ANK3: variants seen among roughly 807,000 people sequenced by gnomAD.
ANK3 encodes ankyrin 3, also known as ankyrin-3.
In ANK3, 57 loss-of-function variants were observed where a neutral mutation model predicts 370.9. That is an observed-to-expected ratio of 0.15 (90% CI 0.12 to 0.19). The LOEUF is 0.19. Among genes scored for constraint, ANK3 ranks in the 10% least tolerant of loss-of-function variants. ANK3 has a pLI of 1.00. For synonymous variants in ANK3, 1,929 were observed against 1,946.3 expected, an observed-to-expected ratio of 0.99 and a Z score of 0.23; for missense variants, 4,439 against 5,302.1, an observed-to-expected ratio of 0.84 and a Z score of 5.06.
intron 43 of ANK3, among the ~76,000 whole-genome samples, chr10:60,031,214 A>C (rs2073446097): frequency 6.6e-6 from 1 of 152,168 alleles, no homozygotes; most frequent in Non-Finnish European, 1.5e-5. Context: ...ATTAGAGACA[A>C]ACTTCTACCA....
intron 24 of ANK3, among the ~76,000 whole-genome samples, chr10:60,136,296 T>G (rs950256555): frequency 1.3e-5 from 2 of 152,130 alleles, no homozygotes; most frequent in Admixed American, 1.3e-4. Flanking sequence ...ATGTGGCTGG[T>G]GTGAACGAAC....
At chr10:60,465,579 T>C (rs531248587) in intron 2 of ANK3, among the ~76,000 whole-genome samples, 1 of 152,214 alleles carries the variant, frequency 6.6e-6, no homozygotes, top group African/African-American at 2.4e-5. Flanking sequence ...CAGAGTGAAA[T>C]GAGTAAGAAA....
At chr10:60,083,355 C>A in intron 33 of ANK3, 137 bp downstream of exon 33, 2 of 893,052 alleles carry the variant, frequency 2.2e-6, no homozygotes, top group East Asian at 2.8e-5. Flanking sequence ...CTGGTAGAAC[C>A]AGAACAAAAT....
chr10:60,387,950 T>G (rs2062644289), intron 1 of ANK3, among the ~76,000 whole-genome samples: 1 of 152,148 alleles, frequency 6.6e-6, no homozygotes, highest in Admixed American at 6.5e-5. Context: ...TACAAATATA[T>G]GTACCTTTTC....
intron 2 of ANK3, among the ~76,000 whole-genome samples, chr10:60,470,271 G>C (rs1413254854): frequency 6.6e-6 from 1 of 152,032 alleles, no homozygotes; most frequent in Non-Finnish European, 1.5e-5. Context: ...GTCATTTTGG[G>C]TAACTGTGTG....
At chr10:60,682,023 T>C (rs2079202584) in intron 1 of ANK3, among the ~76,000 whole-genome samples, 1 of 152,130 alleles carries the variant, frequency 6.6e-6, no homozygotes, top group Non-Finnish European at 1.5e-5. Flanking sequence ...TGATGGTACC[T>C]GTGGTCTTAG....
intron 28 of ANK3, among the ~76,000 whole-genome samples, chr10:60,104,974 T>C (rs1319522044): frequency 3.9e-5 from 6 of 152,184 alleles, no homozygotes; most frequent in Non-Finnish European, 8.8e-5. Context: ...TACCCTACGG[T>C]TCACCTCGCT....
chr10:60,696,199 C>A (rs1196923259), intron 1 of ANK3, among the ~76,000 whole-genome samples: 3 of 149,898 alleles, frequency 2.0e-5, no homozygotes, highest in South Asian at 2.2e-4. Flanking sequence ...AAGACTAAAC[C>A]AGGAAGAAGT....
chr10:60,394,808 A>G (rs1367965769), upstream of ANK3, among the ~76,000 whole-genome samples: 1 of 152,178 alleles, frequency 6.6e-6, no homozygotes, highest in African/African-American at 2.4e-5. Context: ...TGGCTCTTGT[A>G]AAAGGAGGCA....
At chr10:60,408,854 G>T (rs2063504892) in intron 2 of ANK3, among the ~76,000 whole-genome samples, 1 of 151,988 alleles carries the variant, frequency 6.6e-6, no homozygotes, top group African/African-American at 2.4e-5. Context: ...CCTCAGCCAG[G>T]CTTTTATATG....
intron 16 of ANK3, among the ~76,000 whole-genome samples, chr10:60,193,161 A>G (rs1320427104): frequency 6.6e-6 from 1 of 152,230 alleles, no homozygotes; most frequent in African/African-American, 2.4e-5. Flanking sequence ...TCAATGTCCC[A>G]TTAGAAAAGC....
chr10:60,246,469 C>T (rs1264986266), intron 7 of ANK3, among the ~76,000 whole-genome samples: 1 of 152,122 alleles, frequency 6.6e-6, no homozygotes, highest in African/African-American at 2.4e-5. Context: ...TAAGTCCATA[C>T]TGGATTTGCT....
Position 60,072,713 on chromosome 10 carries a change from T to C in ANK3, c.8168A>G (p.Glu2723Gly). 1 of 1,614,110 alleles carries C rather than the reference T, an allele frequency of 6.2e-7. No homozygotes were observed. The highest frequency in any genetic ancestry group is 8.5e-7 in the Non-Finnish European group (1 of 1,179,996). The change falls in exon 37 of 44, where the codon GAA (glutamate) becomes GGA (glycine). Residue 2723 changes from glutamate (E) to glycine (G), a missense_variant. Physicochemically the swap from Glu to Gly is moderately conservative, Grantham distance 98. Transcript: ENST00000280772. ...CTTACTTTTTGCGTGTGTGCCTTGTTCAAATTTTAATCTAATGGAACTGAG... is the reference window on the plus strand; with the variant it reads ...CTTACTTTTTGCGTGTGTGCCTTGTCCAAATTTTAATCTAATGGAACTGAG... ...SKLSSIRLKF[E>G]QGTHAKSKDM...
intron 25 of ANK3, among the ~76,000 whole-genome samples, chr10:60,132,036 T>C (rs1312047881): frequency 6.6e-6 from 1 of 152,140 alleles, no homozygotes; most frequent in East Asian, 1.9e-4. Flanking sequence ...ATTTTTATAC[T>C]TACAAGTGGT....
At chr10:60,104,829 T>A (rs1348535354) in intron 28 of ANK3, among the ~76,000 whole-genome samples, 1 of 152,220 alleles carries the variant, frequency 6.6e-6, no homozygotes, top group Non-Finnish European at 1.5e-5. Context: ...AAGGACTGTA[T>A]TTCACATGTG....
chr10:60,714,837 GGGATAAATAA>G (rs2079759499), intron 1 of ANK3, among the ~76,000 whole-genome samples: 1 of 152,096 alleles, frequency 6.6e-6, no homozygotes, highest in Non-Finnish European at 1.5e-5. Flanking sequence ...GCAGGAGAGA[GGGATAAATAA>G]GTGGGGCACA....
chr10:60,340,967 A>G (rs1222328327), intron 1 of ANK3, among the ~76,000 whole-genome samples: 3 of 152,190 alleles, frequency 2.0e-5, no homozygotes, highest in Non-Finnish European at 4.4e-5. Flanking sequence ...CAAAATGAGC[A>G]AAGTATTAGA....
At chr10:60,648,686 C>T (rs980238630) in intron 1 of ANK3, among the ~76,000 whole-genome samples, 6 of 149,984 alleles carry the variant, frequency 4.0e-5, no homozygotes, top group Non-Finnish European at 8.9e-5. Flanking sequence ...AGGAGAATCA[C>T]TTGAACCCAG....
At chr10:60,327,167 A>G (rs1329059123) in intron 1 of ANK3, among the ~76,000 whole-genome samples, 1 of 152,186 alleles carries the variant, frequency 6.6e-6, no homozygotes, top group Non-Finnish European at 1.5e-5. Flanking sequence ...TGTGGCATCA[A>G]TGGAGGGCGA....
Sources: allele counts gnomAD v4.1 joint callset (sites outside exome capture counted in the v4.1 genomes callset), GRCh38; gene constraint gnomAD v4.1.1; transcripts MANE v1.5; gene names NCBI Gene and HGNC (gene_info 2026-07-23, HGNC 2026-07-21).